The following NCKAP1L variants were observed in gnomAD, a reference collection of about 807,000 sequenced individuals.
NCKAP1L encodes nck-associated protein 1-like.
Under a neutral mutation model 139.2 loss-of-function variants are expected in NCKAP1L, and 53 were observed. The observed-to-expected ratio is 0.38, with a 90% CI of 0.31 to 0.48. The LOEUF (loss-of-function observed/expected upper bound fraction) is 0.48. NCKAP1L is among the 20% of genes least tolerant of loss of function. The probability of loss-of-function intolerance (pLI) is 0.98; values close to 1 mark genes in which losing one functional copy is unlikely to be tolerated. For synonymous variants in NCKAP1L, 468 were observed against 499.7 expected, an observed-to-expected ratio of 0.94 and a Z score of 0.85; for missense variants, 1,151 against 1,381.9, an observed-to-expected ratio of 0.83 and a Z score of 2.65.
At chr12:54,528,417 C>G (rs772066904) in intron 22 of NCKAP1L, 40 bp downstream of exon 22, 1 of 1,602,136 alleles carries the variant, frequency 6.2e-7, no homozygotes, top group Non-Finnish European at 8.5e-7. Flanking sequence ...GGAGCTGAGC[C>G]CTTCCTTCAA....
intron 26 of NCKAP1L, among the ~76,000 whole-genome samples, chr12:54,534,113 A>G (rs1957095850): frequency 1.3e-5 from 2 of 152,190 alleles, no homozygotes; most frequent in South Asian, 4.1e-4. Flanking sequence ...AGAGAAGGTA[A>G]AGAGAAATGC....
Position 54,523,807 on chromosome 12 carries a change from G to T in NCKAP1L, c.2025-18G>T. ...AGGCAGTGCCAGACCTGTAATCCAG[G>T]CTCATTTTCCTTTCTAGCATGGACA... On this transcript the variant is annotated intron_variant, in intron 19 of 30. Coordinates refer to ENST00000293373, the MANE Select transcript of NCKAP1L (RefSeq NM_005337.5). The T allele has an allele frequency of 6.2e-7, 1 of 1,609,418 alleles. No homozygotes were observed. The highest frequency in any genetic ancestry group is 8.5e-7 in the Non-Finnish European group (1 of 1,177,490).
intron 3 of NCKAP1L, among the ~76,000 whole-genome samples, chr12:54,506,108 G>A (rs996510330): frequency 6.6e-6 from 1 of 152,144 alleles, no homozygotes; most frequent in African/African-American, 2.4e-5. Flanking sequence ...TCTTTGTGGG[G>A]ACATATTTTT....
chr12:54,527,660 G>T (rs1957037090), intron 21 of NCKAP1L, among the ~76,000 whole-genome samples: 1 of 152,184 alleles, frequency 6.6e-6, no homozygotes, highest in East Asian at 1.9e-4. Context: ...GTTTGACTGG[G>T]TTTGGCCCAC....
chr12:54,518,574 TGA>T (rs1261383750), intron 13 of NCKAP1L, 75 bp from the exon 14 acceptor site: 3 of 1,095,204 alleles, frequency 2.7e-6, no homozygotes, highest in Non-Finnish European at 4.2e-6. Context: ...CTTCATACGC[TGA>T]CTGAGCCTCA....
intron 27 of NCKAP1L, 106 bp downstream of exon 27, chr12:54,535,303 C>A: frequency 1.2e-6 from 1 of 815,722 alleles, no homozygotes; most frequent in Non-Finnish European, 2.0e-6. Flanking sequence ...ATTATATATT[C>A]AGAGGATATA....
chr12:54,531,205 C>A, intron 22 of NCKAP1L, 55 bp from the exon 23 acceptor site: 2 of 1,323,914 alleles, frequency 1.5e-6, no homozygotes, highest in Non-Finnish European at 1.1e-6. Flanking sequence ...AGCTGTTGTA[C>A]AAATACTCCA....
intron 10 of NCKAP1L, 76 bp downstream of exon 10, chr12:54,516,371 A>G: frequency 2.9e-6 from 4 of 1,377,560 alleles, no homozygotes; most frequent in Non-Finnish European, 4.1e-6. Flanking sequence ...CACCTAAGCC[A>G]TCCTTAGTTT....
chr12:54,504,024 T>C (rs1004635368), intron 3 of NCKAP1L, among the ~76,000 whole-genome samples: 2 of 152,178 alleles, frequency 1.3e-5, no homozygotes, highest in Non-Finnish European at 2.9e-5. Context: ...GTAAGACAGT[T>C]TAAGACAGAT....
chr12:54,519,044 C>A, intron 15 of NCKAP1L, 72 bp downstream of exon 15: 1 of 1,555,948 alleles, frequency 6.4e-7, no homozygotes, highest in South Asian at 1.1e-5. Context: ...CTCTTTTTAT[C>A]TCCTAAATTT....
intron 10 of NCKAP1L, among the ~76,000 whole-genome samples, chr12:54,516,657 G>A (rs1297103631): frequency 6.6e-6 from 1 of 152,078 alleles, no homozygotes; most frequent in African/African-American, 2.4e-5. Context: ...TGTTGGCCAT[G>A]CTGGTCTTGA....
intron 26 of NCKAP1L, among the ~76,000 whole-genome samples, chr12:54,533,648 C>A (rs1203947675): frequency 2.0e-5 from 3 of 152,010 alleles, no homozygotes; most frequent in Admixed American, 2.0e-4. Context: ...CTCACTGCAA[C>A]CTCTACCTCC....
At chr12:54,532,646 C>T (rs75119617) in intron 26 of NCKAP1L, among the ~76,000 whole-genome samples, 1 of 152,138 alleles carries the variant, frequency 6.6e-6, no homozygotes, top group South Asian at 2.1e-4. Flanking sequence ...TTCCCACCCA[C>T]CCTGCCTGCC....
intron 10 of NCKAP1L, 94 bp downstream of exon 10, chr12:54,516,389 G>T: frequency 8.6e-7 from 1 of 1,161,238 alleles, no homozygotes; most frequent in Admixed American, 1.8e-5. Flanking sequence ...TTTCTGTACA[G>T]CTTTATTGCC....
chr12:54,546,416 T>C lies in NCKAP1L; in HGVS notation c.*3731T>C, dbSNP rs930966556. 4 of 149,588 alleles carry C rather than the reference T, an allele frequency of 2.7e-5. No homozygotes were observed. The highest frequency in any genetic ancestry group is 5.9e-5 in the Non-Finnish European group (4 of 67,738). 9.3% of individuals were successfully genotyped at this position (149,588 alleles called of 1,614,324 possible). ...GTCCAGGGCCTGGCCAAGGGGATGATGCCCTGTAGCACTTTGCTTTGCAGG... is the reference window on the plus strand; with the variant it reads ...GTCCAGGGCCTGGCCAAGGGGATGACGCCCTGTAGCACTTTGCTTTGCAGG... On this transcript the variant is annotated 3_prime_UTR_variant, in exon 31 of 31. Transcript: ENST00000293373.
rs1231999917 is a variant in NCKAP1L, at chr12:54,543,622, A to G, written c.*937A>G. On this transcript the variant is annotated 3_prime_UTR_variant, in exon 31 of 31. Transcript: ENST00000293373. ...ATTTCTCTTCTGGATCTTAAATTTC[A>G]CAGACCTCATTAGGTTGTATGGCCC... 1 of 152,118 alleles carries G rather than the reference A, an allele frequency of 6.6e-6. No homozygotes were observed. The highest frequency in any genetic ancestry group is 2.4e-5 in the African/African-American group (1 of 41,418). 9.4% of individuals were successfully genotyped at this position (152,118 alleles called of 1,614,324 possible). A position where few individuals can be genotyped will look rare whatever the true frequency, so the allele number is the denominator to read the frequency against.
intron 22 of NCKAP1L, among the ~76,000 whole-genome samples, chr12:54,529,014 GATGATACATGACAT>G (rs1369700108): frequency 6.6e-6 from 1 of 152,148 alleles, no homozygotes; most frequent in Non-Finnish European, 1.5e-5. Flanking sequence ...ACGATGATGA[GATGATACATGACAT>G]TTATTGTGGG....
intron 9 of NCKAP1L, among the ~76,000 whole-genome samples, chr12:54,513,541 C>T (rs1169685604): frequency 2.0e-5 from 3 of 151,964 alleles, no homozygotes; most frequent in Non-Finnish European, 4.4e-5. Context: ...GTGGGAGATA[C>T]TGAAAAGAAG....
intron 18 of NCKAP1L, among the ~76,000 whole-genome samples, chr12:54,522,436 C>T (rs545384226): frequency 9.2e-5 from 14 of 152,274 alleles, no homozygotes; most frequent in Non-Finnish European, 1.9e-4. Context: ...ACAGAACTTT[C>T]GCAACCAAAT....
Sources: gnomAD v4.1 joint callset for allele counts (sites outside exome capture counted in the v4.1 genomes callset) on GRCh38, gnomAD v4.1.1 for gene constraint, MANE v1.5 for transcripts, NCBI Gene and HGNC (gene_info 2026-07-23, HGNC 2026-07-21) for gene names.